Variants in CACNA2D1 observed in about 807,000 individuals in gnomAD.
The protein encoded by CACNA2D1 is voltage-dependent calcium channel subunit alpha-2/delta-1.
A neutral mutation model predicts 171.5 loss-of-function variants in CACNA2D1; 53 were observed. The observed-to-expected ratio is 0.31, with a 90% CI of 0.25 to 0.39. The LOEUF is 0.39. Among genes scored for constraint, CACNA2D1 ranks in the 10% least tolerant of loss-of-function variants. The pLI, the probability that CACNA2D1 is intolerant of heterozygous loss-of-function variation, is 1.00. For missense variants in CACNA2D1, 903 were observed against 1,299.8 expected (o/e 0.69, Z 4.69); for synonymous variants, 442 against 443.1 (o/e 1.00, Z 0.03).
At chr7:82,318,903 AGAG>A (rs1407194905) in intron 3 of CACNA2D1, among the ~76,000 whole-genome samples, 2 of 152,302 alleles carry the variant, frequency 1.3e-5, no homozygotes, top group East Asian at 3.9e-4. Context: ...AAGAGTAGGA[AGAG>A]GAGAAGTCAG....
intron 7 of CACNA2D1, among the ~76,000 whole-genome samples, chr7:82,069,412 T>C (rs3801765): frequency 6.6e-6 from 1 of 152,316 alleles, no homozygotes; most frequent in East Asian, 1.9e-4. Flanking sequence ...GTTCACAATG[T>C]AGACGTCTCT....
At chr7:82,137,080 T>C (rs1393069331) in intron 4 of CACNA2D1, among the ~76,000 whole-genome samples, 3 of 152,204 alleles carry the variant, frequency 2.0e-5, no homozygotes, top group Admixed American at 1.3e-4. Context: ...ACACAGAGTG[T>C]TGAAATGATT....
chr7:82,012,247 T>A lies in CACNA2D1; in HGVS notation c.1273-4A>T. 6.5e-7 allele frequency: 1 copy of A among 1,536,158 alleles called. No individual in the cohort carries two copies. The highest frequency in any genetic ancestry group is 8.9e-7 in the Non-Finnish European group (1 of 1,121,122). ...TTCCCAAAACATCCAAATATTCCTGTTTATGGGAAAAAAAAAAAAAGTCGT... is the reference window on the plus strand; with the variant it reads ...TTCCCAAAACATCCAAATATTCCTGATTATGGGAAAAAAAAAAAAAGTCGT... On this transcript the variant is annotated splice_region_variant and splice_polypyrimidine_tract_variant and intron_variant, in intron 14 of 38. Coordinates refer to ENST00000356860, the MANE Select transcript of CACNA2D1 (RefSeq NM_000722.4).
At chr7:82,395,103 T>C (rs750639514) in intron 1 of CACNA2D1, among the ~76,000 whole-genome samples, 7 of 152,174 alleles carry the variant, frequency 4.6e-5, no homozygotes, top group African/African-American at 1.2e-4. Flanking sequence ...GCAGATAATA[T>C]AGTCATTCCA....
intron 1 of CACNA2D1, among the ~76,000 whole-genome samples, chr7:82,402,750 G>A (rs1381699271): frequency 1.4e-5 from 2 of 147,294 alleles, no homozygotes; most frequent in Non-Finnish European, 3.0e-5. Flanking sequence ...AAGTAAAATA[G>A]GTTGAGGTTA....
intron 3 of CACNA2D1, among the ~76,000 whole-genome samples, chr7:82,191,149 AGAG>A (rs900678334): frequency 2.6e-5 from 4 of 151,746 alleles, no homozygotes; most frequent in Non-Finnish European, 4.4e-5. Flanking sequence ...GGATTTATAA[AGAG>A]AAATCAAAGA....
At chr7:82,262,796 A>C (rs1231316975) in intron 3 of CACNA2D1, among the ~76,000 whole-genome samples, 2 of 152,132 alleles carry the variant, frequency 1.3e-5, no homozygotes, top group Non-Finnish European at 2.9e-5. Context: ...CTCCCAGAGC[A>C]ATCATGAAAC....
At chr7:82,136,274 T>C (rs1047591513) in intron 5 of CACNA2D1, among the ~76,000 whole-genome samples, 2 of 152,116 alleles carry the variant, frequency 1.3e-5, no homozygotes, top group Non-Finnish European at 2.9e-5. Context: ...TCAAAGCAGA[T>C]AGGCGTGGTG....
At chr7:81,971,062 T>C (rs190257326) in intron 26 of CACNA2D1, 1 of 273,478 alleles carries the variant, frequency 3.7e-6, no homozygotes, top group Admixed American at 4.9e-5. Flanking sequence ...TGGTGTTTGG[T>C]ATAGAAAAAA....
rs1210271523 is a variant in CACNA2D1 at position 82,109,264 on chromosome 7, A to C, written c.526+7780T>G. On this transcript the variant is annotated intron_variant, in intron 6 of 38. Coordinates refer to ENST00000356860, the MANE Select transcript of CACNA2D1 (RefSeq NM_000722.4). Reference sequence around the variant, plus strand: ...ATTATCTGGTTTTAAAAAATCAATAAACACAAAACTTAAGAAGGTCCTACT... The same window carrying C: ...ATTATCTGGTTTTAAAAAATCAATACACACAAAACTTAAGAAGGTCCTACT... Among the ~76,000 whole-genome samples, 5 of 152,160 alleles carry C rather than the reference A, an allele frequency of 3.3e-5. No individual in the cohort carries two copies. The East Asian group carries it at 9.6e-4, about 29-fold the overall frequency.
At chr7:82,266,429 T>C (rs976217639) in intron 3 of CACNA2D1, among the ~76,000 whole-genome samples, 8 of 152,216 alleles carry the variant, frequency 5.3e-5, no homozygotes, top group Non-Finnish European at 1.2e-4. Flanking sequence ...TATAGCAGTA[T>C]GGAAATCAAC....
At position 82,072,034 on chromosome 7, in the gene CACNA2D1, C is replaced by T. The variant is rs188642969; in HGVS notation, c.659-5510G>A. On this transcript the variant is annotated intron_variant, in intron 7 of 38. Coordinates refer to ENST00000356860, the MANE Select transcript of CACNA2D1 (RefSeq NM_000722.4). ...TACCCTAAGCACTGATTTACCTATTCGGTAGGAATTTTTCCTCCGAGTATT... is the reference window on the plus strand; with the variant it reads ...TACCCTAAGCACTGATTTACCTATTTGGTAGGAATTTTTCCTCCGAGTATT... Among the ~76,000 whole-genome samples, 136 of 152,214 alleles carry T rather than the reference C, an allele frequency of 8.9e-4. 1 individual carries two copies. Among genetic ancestry groups the T allele is most frequent in the African/African-American group, 3.0e-3 (125 of 41,550 alleles).
At chr7:82,125,772 G>A (rs968204924) in intron 5 of CACNA2D1, among the ~76,000 whole-genome samples, 1 of 151,966 alleles carries the variant, frequency 6.6e-6, no homozygotes, top group African/African-American at 2.4e-5. Context: ...AATCTTCCCC[G>A]TTTGTGTTTG....
At chr7:82,286,841 G>A (rs183556755) in intron 3 of CACNA2D1, among the ~76,000 whole-genome samples, 52 of 152,114 alleles carry the variant, frequency 3.4e-4, no homozygotes, top group Admixed American at 1.6e-3. Flanking sequence ...TAAGTGTGTG[G>A]AGATTTTTCC....
chr7:82,243,148 T>A (rs932933729), intron 3 of CACNA2D1, among the ~76,000 whole-genome samples: 1 of 152,196 alleles, frequency 6.6e-6, no homozygotes, highest in Non-Finnish European at 1.5e-5. Flanking sequence ...TTTTGTTTTA[T>A]AATGAAACCA....
intron 10 of CACNA2D1, among the ~76,000 whole-genome samples, chr7:82,060,165 A>AAT (rs796066557): frequency 1.4e-4 from 3 of 22,198 alleles, no homozygotes; most frequent in African/African-American, 1.7e-4. Context: ...ATATATATAT[A>AAT]ATATATATAT....
chr7:82,397,141 C>CA (rs1462935517), intron 1 of CACNA2D1, among the ~76,000 whole-genome samples: 2 of 152,160 alleles, frequency 1.3e-5, no homozygotes, highest in African/African-American at 2.4e-5. Flanking sequence ...AGGAGGCTTT[C>CA]ATCACTAACT....
chr7:82,376,079 C>CA (rs372136793), intron 1 of CACNA2D1, among the ~76,000 whole-genome samples: 14 of 151,322 alleles, frequency 9.3e-5, no homozygotes, highest in African/African-American at 1.9e-4. Context: ...AAAACATACA[C>CA]AAAAAAAAAT....
chr7:82,370,864 T>G (rs1822327051), intron 1 of CACNA2D1, among the ~76,000 whole-genome samples: 1 of 152,130 alleles, frequency 6.6e-6, no homozygotes, highest in South Asian at 2.1e-4. Flanking sequence ...GTTCAAATAT[T>G]GAATTAAAAA....
Sources: gnomAD v4.1 joint callset for allele counts (sites outside exome capture counted in the v4.1 genomes callset) on GRCh38, gnomAD v4.1.1 for gene constraint, MANE v1.5 for transcripts, NCBI Gene and HGNC (gene_info 2026-07-23, HGNC 2026-07-21) for gene names.